METTL5: variants seen among roughly 807,000 people sequenced by gnomAD.
METTL5 encodes methyltransferase 5, N6-adenosine.
A neutral mutation model predicts 26.5 loss-of-function variants in METTL5; 28 were observed. The ratio of observed to expected loss-of-function variants is 1.06; its 90% CI spans 0.78 to 1.45. The LOEUF (loss-of-function observed/expected upper bound fraction) is 1.45, where lower values mean the gene tolerates loss of function less well. METTL5 is among the 40% of genes most tolerant of loss of function. The probability of loss-of-function intolerance (pLI) is 0.00; values close to 1 mark genes in which losing one functional copy is unlikely to be tolerated. For synonymous variants in METTL5, 86 were observed against 82.6 expected (o/e 1.04, Z -0.22); for missense variants, 231 against 249.9 (o/e 0.92, Z 0.51).
In METTL5 at chr2:169,821,119, G is replaced by T; in HGVS notation, c.379C>A (p.Pro127Thr). The change falls in exon 3 of 7, where the codon CCT becomes ACT. Residue 127 changes from proline (P) to threonine (T), a missense_variant. Transcript: ENST00000260953. ...TTATTATTTTTGGTCCCAAAGGGAG[G>T]ATTCATAATTACTGTATCGAATGAC... ...SKSFDTVIMN[P>T]PFGTKNNKGT... 1.9e-6 allele frequency: 3 copies of T among 1,600,810 alleles called. No individual in the cohort carries two copies. The highest frequency in any genetic ancestry group is 2.6e-6 in the Non-Finnish European group (3 of 1,175,426).
intron 1 of METTL5, among the ~76,000 whole-genome samples, chr2:169,823,467 C>G (rs1374848665): frequency 6.6e-6 from 1 of 152,126 alleles, no homozygotes; most frequent in Non-Finnish European, 1.5e-5. Flanking sequence ...TCATTGACAA[C>G]TTAGAAACAA....
rs546197250 is a variant in METTL5 at position 169,821,713 on chromosome 2, G to A, written c.224+230C>T. Among the ~76,000 whole-genome samples, 6 of 152,088 alleles carry A rather than the reference G, an allele frequency of 3.9e-5. No homozygotes were observed. In the South Asian group the frequency reaches 6.2e-4, roughly 16 times the overall value. On this transcript the variant is annotated intron_variant, in intron 2 of 6. Coordinates refer to ENST00000260953, the MANE Select transcript of METTL5 (RefSeq NM_014168.4). Reference sequence around the variant, plus strand: ...GTGTAACAGCATAATTTCCAAACCCGGCAGGGGTTGGAAACTCAGGTTTGT... The same window carrying A: ...GTGTAACAGCATAATTTCCAAACCCAGCAGGGGTTGGAAACTCAGGTTTGT...
chr2:169,815,520 T>C lies in METTL5; in HGVS notation c.498A>G (p.Gln166=), dbSNP rs140530422. Residue 166 remains glutamine, a synonymous_variant, in exon 5 of 7, where the codon CAA becomes CAG. Transcript: ENST00000260953. The part of the protein sequence containing the change: ...LHKSSTREHV[Q]KKAAEWKIKI... ...TGATTTTCCATTCTGCAGCTTTCTT[T>C]TGAACATGCTGAACATAAATAATAT... 5.0e-6 allele frequency: 8 copies of C among 1,600,778 alleles called. No individual in the cohort carries two copies. The highest frequency in any genetic ancestry group is 1.3e-5 in the African/African-American group (1 of 74,668).
At chr2:169,820,790 G>A (rs766686674) in intron 3 of METTL5, among the ~76,000 whole-genome samples, 6 of 151,994 alleles carry the variant, frequency 3.9e-5, no homozygotes, top group Non-Finnish European at 7.4e-5. Context: ...ATGGCTCATC[G>A]CAGCCCCGAA....
intron 5 of METTL5, among the ~76,000 whole-genome samples, chr2:169,814,076 C>G (rs570475617): frequency 6.6e-6 from 1 of 152,068 alleles, no homozygotes; most frequent in South Asian, 2.1e-4. Context: ...TATGCTTTTC[C>G]TGTTTTGATG....
At chr2:169,815,664 T>G in intron 4 of METTL5, 136 bp from the exon 5 acceptor site, 1 of 576,368 alleles carries the variant, frequency 1.7e-6, no homozygotes, top group Non-Finnish European at 3.0e-6. Context: ...AAATTTCAAT[T>G]GAATGGATAG....
intron 5 of METTL5, among the ~76,000 whole-genome samples, chr2:169,814,450 CAG>C (rs1232849692): frequency 4.0e-5 from 2 of 49,426 alleles, no homozygotes; most frequent in South Asian, 7.6e-4. Flanking sequence ...GCCTGGGTAA[CAG>C]AGCAAGGCTT....
intron 5 of METTL5, among the ~76,000 whole-genome samples, chr2:169,815,267 G>A (rs1375746090): frequency 6.6e-6 from 1 of 152,180 alleles, no homozygotes; most frequent in African/African-American, 2.4e-5. Flanking sequence ...ATACCTGAGT[G>A]CTATTAGAAA....
At chr2:169,813,800 A>G (rs538759220) in intron 5 of METTL5, among the ~76,000 whole-genome samples, 1 of 152,062 alleles carries the variant, frequency 6.6e-6, no homozygotes, top group African/African-American at 2.4e-5. Flanking sequence ...CAGGAGGTGG[A>G]GGTTGCAGTG....
intron 4 of METTL5, among the ~76,000 whole-genome samples, chr2:169,816,089 C>T (rs1391906072): frequency 6.6e-6 from 1 of 152,066 alleles, no homozygotes; most frequent in Non-Finnish European, 1.5e-5. Flanking sequence ...GAACATATCC[C>T]TGTTGTTAAA....
intron 1 of METTL5, among the ~76,000 whole-genome samples, chr2:169,823,063 C>A (rs1173856890): frequency 1.3e-5 from 2 of 151,734 alleles, no homozygotes; most frequent in African/African-American, 4.8e-5. Context: ...GAGCTCACTG[C>A]AGCCTGAAAT....
intron 5 of METTL5, 98 bp from the exon 6 acceptor site, chr2:169,812,604 AGTGCT>A: frequency 3.8e-6 from 5 of 1,326,298 alleles, no homozygotes; most frequent in Non-Finnish European, 5.2e-6. Context: ...AAAAGTGTTA[AGTGCT>A]GGTAAGCTGA....
Position 169,815,521 on chromosome 2 carries a change from T to C in METTL5, c.497A>G (p.Gln166Arg). ...GATTTTCCATTCTGCAGCTTTCTTT[T>C]GAACATGCTGAACATAAATAATATG... Reference protein sequence around the residue: ...LHKSSTREHVQKKAAEWKIKI... With the variant: ...LHKSSTREHVRKKAAEWKIKI... The change falls in exon 5 of 7, where the codon CAA becomes CGA. Residue 166 changes from glutamine to arginine, a missense_variant. Physicochemically the swap from Gln to Arg is conservative, Grantham distance 43 (BLOSUM62 1). Transcript: ENST00000260953. 2.5e-6 allele frequency: 4 copies of C among 1,596,638 alleles called. No individual in the cohort carries two copies. The highest frequency in any genetic ancestry group is 3.4e-6 in the Non-Finnish European group (4 of 1,167,324).
chr2:169,824,832 A>G lies in METTL5; in HGVS notation c.-235T>C, dbSNP rs1343970606. 4.7e-6 allele frequency: 2 copies of G among 424,214 alleles called. No individual in the cohort carries two copies. Among genetic ancestry groups the G allele is most frequent in the South Asian group, 2.8e-5 (1 of 35,906 alleles). The allele number at this position is 424,214 out of a possible 1,614,324, so 26.3% of individuals were successfully genotyped here. On this transcript the variant is annotated 5_prime_UTR_variant, in exon 1 of 7. Coordinates refer to ENST00000260953, the MANE Select transcript of METTL5 (RefSeq NM_014168.4). ...GGAGACGGCGGCGGCGCACTGCTGGAGCAGCCTCAGGATCCCTCGCGCCAC... is the reference window on the plus strand; with the variant it reads ...GGAGACGGCGGCGGCGCACTGCTGGGGCAGCCTCAGGATCCCTCGCGCCAC...
chr2:169,822,144 T>C, intron 1 of METTL5, 87 bp from the exon 2 acceptor site: 2 of 1,490,594 alleles, frequency 1.3e-6, no homozygotes, highest in Non-Finnish European at 1.8e-6. Context: ...AATAATTTCT[T>C]GTGTTGCATT....
intron 4 of METTL5, among the ~76,000 whole-genome samples, chr2:169,818,343 T>C (rs2081539006): frequency 6.6e-6 from 1 of 152,208 alleles, no homozygotes; most frequent in South Asian, 2.1e-4. Context: ...CTAATGCACC[T>C]TTCTCCTTGC....
At chr2:169,812,785 A>G (rs1690016559) in intron 5 of METTL5, 1 of 284,366 alleles carries the variant, frequency 3.5e-6, no homozygotes, top group Non-Finnish European at 6.5e-6. Flanking sequence ...TCCTATGAAA[A>G]TGATGGTACC....
rs1690004001 is a variant in METTL5 at position 169,812,445 on chromosome 2, C to T, written c.591+12G>A. ...ATACCGAATGTAGACCAGCCAAAAT[C>T]AAGAGACTTACTGATTTCTTTTTGT... On this transcript the variant is annotated intron_variant, in intron 6 of 6. Coordinates refer to ENST00000260953, the MANE Select transcript of METTL5 (RefSeq NM_014168.4). 1 of 1,613,874 alleles carries T rather than the reference C, an allele frequency of 6.2e-7. No individual in the cohort carries two copies. The highest frequency in any genetic ancestry group is 1.7e-5 in the Admixed American group (1 of 59,984).
chr2:169,823,516 CA>C (rs2081611390), intron 1 of METTL5, among the ~76,000 whole-genome samples: 2 of 152,156 alleles, frequency 1.3e-5, no homozygotes, highest in Admixed American at 6.6e-5. Context: ...CAGGTACTCT[CA>C]GAAAATTAAT....
Sources: allele counts gnomAD v4.1 joint callset (sites outside exome capture counted in the v4.1 genomes callset), GRCh38; gene constraint gnomAD v4.1.1; transcripts MANE v1.5; gene names NCBI Gene and HGNC (gene_info 2026-07-23, HGNC 2026-07-21).